TMEM245: variants seen among roughly 807,000 people sequenced by gnomAD.
TMEM245 encodes transmembrane protein 245, also known as protein CG-2.
TMEM245 carries 69 observed loss-of-function variants against 101.2 expected under a neutral mutation model. The ratio of observed to expected loss-of-function variants is 0.68; its 90% confidence interval spans 0.56 to 0.83. TMEM245 has a LOEUF of 0.83. TMEM245 is among the 40% of genes least tolerant of loss of function. TMEM245 has a pLI of 0.00. For missense variants in TMEM245, 1,075 were observed against 1,092.8 expected, an observed-to-expected ratio of 0.98 and a Z score of 0.23; for synonymous variants, 537 against 449.8, an observed-to-expected ratio of 1.19 and a Z score of -2.45.
At position 109,091,125 on chromosome 9, in the gene TMEM245, G is replaced by C. The variant is rs755443750; in HGVS notation, c.947C>G (p.Thr316Arg). 1.9e-6 allele frequency: 3 copies of C among 1,613,960 alleles called. No individual in the cohort carries two copies. Residue 316 changes from threonine (T) to arginine (R), a missense_variant, in exon 5 of 18, where the codon ACG (threonine) becomes AGG (arginine). By Grantham distance (71) the Thr-to-Arg change is moderately conservative (BLOSUM62 -1). Coordinates refer to ENST00000374586, the MANE Select transcript of TMEM245 (RefSeq NM_032012.4). ...EAVDRGESAP[T>R]LSTSPSPSSP... Reference sequence around the variant, plus strand: ...GGAGGGTGAAGGGGAGGTGGACAACGTTGGAGCGGATTCTCCCCTGTCCAC... The same window carrying C: ...GGAGGGTGAAGGGGAGGTGGACAACCTTGGAGCGGATTCTCCCCTGTCCAC...
At chr9:109,108,610 G>A (rs764006753) in intron 1 of TMEM245, 40 bp from the exon 2 acceptor site, 8 of 1,418,072 alleles carry the variant, frequency 5.6e-6, no homozygotes, top group East Asian at 2.3e-5. Context: ...ATCTATACAC[G>A]TGAAAATGAA....
intron 3 of TMEM245, among the ~76,000 whole-genome samples, chr9:109,103,564 G>A (rs886265734): frequency 6.6e-6 from 1 of 152,094 alleles, no homozygotes; most frequent in Non-Finnish European, 1.5e-5. Flanking sequence ...AAAAGAATGA[G>A]ATCCTGTCAT....
intron 17 of TMEM245, among the ~76,000 whole-genome samples, chr9:109,022,675 T>G (rs1018076692): frequency 6.6e-6 from 1 of 152,172 alleles, no homozygotes; most frequent in African/African-American, 2.4e-5. Context: ...AAGCTCTAGA[T>G]AGCTATTTTT....
chr9:109,062,209 T>C (rs538412080), intron 10 of TMEM245, among the ~76,000 whole-genome samples: 1 of 151,312 alleles, frequency 6.6e-6, no homozygotes, highest in African/African-American at 2.4e-5. Flanking sequence ...TCTCACTATG[T>C]TGCCCAAGCT....
At chr9:109,042,480 G>A (rs1024360849) in intron 14 of TMEM245, 3 of 152,240 alleles carry the variant, frequency 2.0e-5, no homozygotes, top group African/African-American at 7.3e-5. Context: ...ACCACACTTG[G>A]ACTAGCCTTT....
chr9:109,037,616 A>T (rs972397006), intron 15 of TMEM245, among the ~76,000 whole-genome samples: 5 of 152,130 alleles, frequency 3.3e-5, no homozygotes, highest in Admixed American at 1.3e-4. Context: ...GCCATGTAAG[A>T]CATGCCTGCT....
Position 109,050,318 on chromosome 9 carries a change from AG to A in TMEM245, c.2087del (p.Ser696LeufsTer32). ...LTPLSQPGPSSNIIGQSVEEA... is the reference protein window; with the variant it reads ...LTPLSQPGPSXNIIGQSVEEA... Reference sequence around the variant, plus strand: ...CTTCCACAGACTGGCCAATAATATTAGAAGAAGGACCTGGCTGAGATAGTGG... The same window carrying A: ...CTTCCACAGACTGGCCAATAATATTAAAGAAGGACCTGGCTGAGATAGTGG... On this transcript the variant is annotated frameshift_variant, in exon 14 of 18. Coordinates refer to ENST00000374586, the MANE Select transcript of TMEM245 (RefSeq NM_032012.4). LOFTEE classifies it high-confidence loss of function. The A allele has an allele frequency of 6.2e-7, 1 of 1,614,148 alleles. No homozygotes were observed. Among genetic ancestry groups the A allele is most frequent in the Non-Finnish European group, 8.5e-7 (1 of 1,180,020 alleles).
chr9:109,066,200 T>A (rs1363938599), intron 9 of TMEM245, among the ~76,000 whole-genome samples: 1 of 152,162 alleles, frequency 6.6e-6, no homozygotes, highest in Admixed American at 6.5e-5. Flanking sequence ...ATGCCTGTAA[T>A]CCCAGCACTT....
intron 17 of TMEM245, among the ~76,000 whole-genome samples, chr9:109,027,341 T>G (rs74811914): frequency 4.6e-4 from 22 of 47,824 alleles, no homozygotes; most frequent in Admixed American, 4.4e-3. Flanking sequence ...AAACTAGAGG[T>G]TTTTTTCCCC....
At chr9:109,110,159 C>T (rs1830530419) in intron 1 of TMEM245, among the ~76,000 whole-genome samples, 1 of 152,036 alleles carries the variant, frequency 6.6e-6, no homozygotes, top group African/African-American at 2.4e-5. Context: ...CTGGACCAGA[C>T]CAATTAACCC....
At chr9:109,041,453 A>AATT (rs1828302779) in intron 14 of TMEM245, among the ~76,000 whole-genome samples, 2 of 83,208 alleles carry the variant, frequency 2.4e-5, no homozygotes, top group Non-Finnish European at 4.5e-5. Flanking sequence ...CATCCTACAA[A>AATT]TTTTTTTTTT....
At chr9:109,094,699 C>G (rs1325171575) in intron 3 of TMEM245, among the ~76,000 whole-genome samples, 2 of 152,174 alleles carry the variant, frequency 1.3e-5, no homozygotes, top group Non-Finnish European at 2.9e-5. Context: ...ATTGTAAATG[C>G]TAACCAATAC....
At chr9:109,086,444 G>A (rs183173089) in intron 6 of TMEM245, among the ~76,000 whole-genome samples, 36 of 152,234 alleles carry the variant, frequency 2.4e-4, no homozygotes, top group African/African-American at 8.4e-4. Flanking sequence ...TGAACAGTGA[G>A]TCATTTCTTG....
At chr9:109,110,738 A>G (rs974433235) in intron 1 of TMEM245, among the ~76,000 whole-genome samples, 5 of 152,188 alleles carry the variant, frequency 3.3e-5, no homozygotes, top group African/African-American at 1.2e-4. Flanking sequence ...AAATATTGAG[A>G]TAATCTATCA....
rs777026537 is a variant in TMEM245 at position 109,038,085 on chromosome 9, C to G, written c.2156G>C (p.Gly719Ala). The G allele has an allele frequency of 6.2e-7, 1 of 1,613,076 alleles. No individual in the cohort carries two copies. The highest frequency in any genetic ancestry group is 1.1e-5 in the South Asian group (1 of 90,924). ...GVFDASLKMA[G>A]FYGLYTWLTH... ...CAGCCAGGTATACAATCCATAGAAG[C>G]CAGCCATTTTGAGGGAAGCATCAAA... The change falls in exon 15 of 18, where the codon GGC (glycine) becomes GCC (alanine). Residue 719 changes from glycine (G) to alanine (A), a missense_variant. This residue lies in a region of TMEM245 where 267 missense variants were observed against 351.3 expected (regional missense o/e 0.76). Coordinates refer to ENST00000374586, the MANE Select transcript of TMEM245 (RefSeq NM_032012.4).
intron 1 of TMEM245, among the ~76,000 whole-genome samples, chr9:109,109,998 C>A (rs1248237659): frequency 2.0e-5 from 3 of 152,042 alleles, no homozygotes; most frequent in Non-Finnish European, 4.4e-5. Context: ...TCCAGACTGC[C>A]TTTAATAAGC....
intron 11 of TMEM245, 152 bp downstream of exon 11, chr9:109,060,202 A>C: frequency 1.7e-6 from 1 of 585,248 alleles, no homozygotes; most frequent in South Asian, 2.2e-5. Context: ...CCATCAACTC[A>C]CACTGACTTT....
At chr9:109,112,775 G>A (rs578236784) in intron 1 of TMEM245, among the ~76,000 whole-genome samples, 15 of 152,188 alleles carry the variant, frequency 9.9e-5, no homozygotes, top group African/African-American at 3.4e-4. Context: ...TGGGAATAGT[G>A]GTAGAGAAAA....
At chr9:109,036,069 C>A in intron 16 of TMEM245, 137 bp downstream of exon 16, 3 of 434,422 alleles carry the variant, frequency 6.9e-6, no homozygotes, top group African/African-American at 2.3e-5. Context: ...TTTGTGGGAA[C>A]ACAAAAGGCT....
Sources: gnomAD v4.1 joint callset for allele counts (sites outside exome capture counted in the v4.1 genomes callset) on GRCh38, gnomAD v4.1.1 for gene constraint, gnomAD v4.1.1 regional missense constraint, MANE v1.5 for transcripts, NCBI Gene and HGNC (gene_info 2026-07-23, HGNC 2026-07-21) for gene names.